The following GP5 variants were observed in gnomAD, a reference collection of about 807,000 sequenced individuals.
GP5 encodes glycoprotein V platelet.
For missense variants in GP5, 755 were observed against 737.1 expected (o/e 1.02, Z -0.28); for synonymous variants, 382 against 353.9 (o/e 1.08, Z -0.89).
chr3:194,397,451 G>C lies in GP5; in HGVS notation c.832C>G (p.Leu278Val). 3 of 1,613,732 alleles carry C rather than the reference G, an allele frequency of 1.9e-6. No individual in the cohort carries two copies. The highest frequency in any genetic ancestry group is 2.5e-6 in the Non-Finnish European group (3 of 1,180,026). Reference sequence around the variant, plus strand: ...AAGAGCACCCCCGGGAGCTCTGCCAGCGGGTTCTCGAACAGAGTCAACAGA... The same window carrying C: ...AAGAGCACCCCCGGGAGCTCTGCCACCGGGTTCTCGAACAGAGTCAACAGA... Reference protein sequence around the residue: ...LTLLTLFENPLAELPGVLFGE... With the variant: ...LTLLTLFENPVAELPGVLFGE... Residue 278 changes from leucine to valine, a missense_variant, in exon 2 of 2, where the codon CTG becomes GTG. Coordinates refer to ENST00000692618, the MANE Select transcript of GP5 (RefSeq NM_004488.2). The surrounding 1 kb of genome is among the most constrained non-coding windows in gnomAD (Gnocchi z 7.2).
rs775156169 is a variant in GP5 at position 194,397,083 on chromosome 3, C to A, written c.1200G>T (p.Glu400Asp). 1.3e-6 allele frequency: 2 copies of A among 1,595,468 alleles called. No homozygotes were observed. Among genetic ancestry groups the A allele is most frequent in the East Asian group, 4.5e-5 (2 of 44,768 alleles). ...CCCCAAACACGTCGCCAGGCAGGGT[C>A]TCCAGCTGGTTGTGGTCGAGCTGGA... ...ESVQLDHNQLETLPGDVFGAL... is the reference protein window; with the variant it reads ...ESVQLDHNQLDTLPGDVFGAL... Residue 400 changes from glutamate to aspartate, a missense_variant, in exon 2 of 2, where the codon GAG becomes GAT. Transcript: ENST00000692618. This position sits in a 1 kb window ranked among gnomAD's most constrained non-coding sequence, Gnocchi z 7.2.
At position 194,395,119 on chromosome 3, in the gene GP5, GTAC is replaced by G. The variant is rs1461183527; in HGVS notation, c.*1478_*1480del. The G allele has an allele frequency of 6.6e-6, 1 of 152,158 alleles. No homozygotes were observed. The highest frequency in any genetic ancestry group is 1.5e-5 in the Non-Finnish European group (1 of 68,038). 9.4% of individuals were successfully genotyped at this position (152,158 alleles called of 1,614,324 possible). A position where few individuals can be genotyped will look rare whatever the true frequency, so the allele number is the denominator to read the frequency against. On this transcript the variant is annotated 3_prime_UTR_variant, in exon 2 of 2. Transcript: ENST00000692618. ...TTCTCACAAAAACTCTACGAAGCAG[GTAC>G]TATGTTATCCTGTTTTAAGGTTCAG...
chr3:194,398,340 TG>T (rs1191576094), intron 1 of GP5, 56 bp from the exon 2 acceptor site: 18 of 1,478,444 alleles, frequency 1.2e-5, no homozygotes, highest in Non-Finnish European at 1.6e-5. Flanking sequence ...GCGCCTGTAC[TG>T]AACCCTGGGA....
At position 194,397,517 on chromosome 3, in the gene GP5, A is replaced by G; in HGVS notation, c.766T>C (p.Phe256Leu). Residue 256 changes from phenylalanine (F) to leucine (L), a missense_variant, in exon 2 of 2, where the codon TTT becomes CTT. Coordinates refer to ENST00000692618, the MANE Select transcript of GP5 (RefSeq NM_004488.2). This position sits in a 1 kb window ranked among gnomAD's most constrained non-coding sequence, Gnocchi z 7.2. ...SLTLSRNHLA[F>L]LPSALFLHSH... ...TGAAGAAAGAGCGCAGAGGGGAGAA[A>G]CGCAAGGTGGTTTCTCGAAAGCGTC... The G allele has an allele frequency of 6.2e-7, 1 of 1,614,044 alleles. No individual in the cohort carries two copies. The highest frequency in any genetic ancestry group is 8.5e-7 in the Non-Finnish European group (1 of 1,180,002).
Position 194,397,442 on chromosome 3 carries a change from G to A in GP5, c.841C>T (p.Leu281Phe). The A allele has an allele frequency of 3.7e-6, 6 of 1,613,536 alleles. No homozygotes were observed. The highest frequency in any genetic ancestry group is 5.1e-6 in the Non-Finnish European group (6 of 1,179,972). The change falls in exon 2 of 2, where the codon CTC becomes TTC. Residue 281 changes from leucine (L) to phenylalanine (F), a missense_variant. By Grantham distance (22) the Leu-to-Phe change is conservative. Transcript: ENST00000692618. The surrounding 1 kb of genome is among the most constrained non-coding windows in gnomAD (Gnocchi z 7.2). The stretch of plus-strand genomic sequence containing the variant: ...ATCTCCCCGAAGAGCACCCCCGGGA[G>A]CTCTGCCAGCGGGTTCTCGAACAGA... ...LTLFENPLAE[L>F]PGVLFGEMGG...
Position 194,397,577 on chromosome 3 carries a change from C to G in GP5, c.706G>C (p.Gly236Arg). ...HRNHIRSIAP[G>R]AFDRLPNLSS... is the part of the protein sequence containing the mutation. ...AGGTTTGGGAGCCGGTCGAAGGCCC[C>G]GGGTGCGATGGAACGGATGTGATTT... Residue 236 changes from glycine (G) to arginine (R), a missense_variant, in exon 2 of 2, where the codon GGG becomes CGG. Transcript: ENST00000692618. The surrounding 1 kb of genome is among the most constrained non-coding windows in gnomAD (Gnocchi z 7.2). 1.2e-6 allele frequency: 2 copies of G among 1,614,122 alleles called. No individual in the cohort carries two copies. Among genetic ancestry groups the G allele is most frequent in the South Asian group, 1.1e-5 (1 of 91,068 alleles).
At chr3:194,398,457 T>G (rs537688049) in intron 1 of GP5, 173 bp from the exon 2 acceptor site, 8 of 617,600 alleles carry the variant, frequency 1.3e-5, no homozygotes, top group African/African-American at 1.3e-4. Flanking sequence ...CATTCTACAC[T>G]GCGTGGCCTC....
In GP5 at chr3:194,396,881, C is replaced by G; in HGVS notation, c.1402G>C (p.Gly468Arg). 2 of 1,541,052 alleles carry G rather than the reference C, an allele frequency of 1.3e-6. No individual in the cohort carries two copies. Among genetic ancestry groups the G allele is most frequent in the East Asian group, 2.3e-5 (1 of 43,166 alleles). ...CGGGGGCCCGGGCACTCCGCGTCAC[C>G]CCCCGGCAGGGCCCAGAGCGGCAGG... is the stretch of plus-strand genomic sequence containing the variant. ...AGLPLWALPGGDAECPGPRGP... is the reference protein window; with the variant it reads ...AGLPLWALPGRDAECPGPRGP... Residue 468 changes from glycine (G) to arginine (R), a missense_variant, in exon 2 of 2, where the codon GGT becomes CGT. Physicochemically the swap from Gly to Arg is moderately radical, Grantham distance 125. Coordinates refer to ENST00000692618, the MANE Select transcript of GP5 (RefSeq NM_004488.2).
In GP5 at chr3:194,397,050, G is replaced by A. The variant is rs1714477805; in HGVS notation, c.1233C>T (p.Pro411=). 2 of 1,597,178 alleles carry A rather than the reference G, an allele frequency of 1.3e-6. No homozygotes were observed. Among genetic ancestry groups the A allele is most frequent in the African/African-American group, 1.3e-5 (1 of 74,996 alleles). The change falls in exon 2 of 2, where the codon CCC becomes CCT. Residue 411 remains proline (P), a synonymous_variant. Coordinates refer to ENST00000692618, the MANE Select transcript of GP5 (RefSeq NM_004488.2). This position sits in a 1 kb window ranked among gnomAD's most constrained non-coding sequence, Gnocchi z 7.2. ...GCCCCAACAGGACCTCCGTCAGCCG[G>A]GGCAGAGCCCCAAACACGTCGCCAG... The part of the protein sequence containing the change: ...TLPGDVFGAL[P]RLTEVLLGHN...
rs778980398 is a variant in GP5, at chr3:194,397,953, G to C, written c.330C>G (p.Ile110Met). Residue 110 changes from isoleucine to methionine, a missense_variant, in exon 2 of 2, where the codon ATC becomes ATG. By Grantham distance (10) the Ile-to-Met change is conservative (BLOSUM62 1). Transcript: ENST00000692618. The surrounding 1 kb of genome is among the most constrained non-coding windows in gnomAD (Gnocchi z 7.2). ...LKTLRLSRNK[I>M]THLPGALLDK... is the part of the protein sequence containing the mutation. ...CCAGCAGCGCACCTGGAAGATGCGT[G>C]ATTTTGTTGCGCGACAGCCTCAGGG... The C allele has an allele frequency of 1.9e-6, 3 of 1,614,108 alleles. No homozygotes were observed. Among genetic ancestry groups the C allele is most frequent in the African/African-American group, 2.7e-5 (2 of 74,946 alleles).
chr3:194,397,777 A>G lies in GP5; in HGVS notation c.506T>C (p.Leu169Pro). ...TAAATCCAACAACTTCAGGTTCTCC[A>G]GATTCGTGAAGAGACTGGCAGGAAG... The part of the protein sequence containing the change: ...DFLPASLFTN[L>P]ENLKLLDLSG... The change falls in exon 2 of 2, where the codon CTG becomes CCG. Residue 169 changes from leucine to proline, a missense_variant. Coordinates refer to ENST00000692618, the MANE Select transcript of GP5 (RefSeq NM_004488.2). This position sits in a 1 kb window ranked among gnomAD's most constrained non-coding sequence, Gnocchi z 7.2. 1.2e-6 allele frequency: 2 copies of G among 1,614,036 alleles called. No individual in the cohort carries two copies. Among genetic ancestry groups the G allele is most frequent in the Non-Finnish European group, 1.7e-6 (2 of 1,179,960 alleles).
Position 194,397,046 on chromosome 3 carries a change from G to C in GP5, c.1237C>G (p.Leu413Val). Residue 413 changes from leucine to valine, a missense_variant, in exon 2 of 2, where the codon CTG becomes GTG. By Grantham distance (32) the Leu-to-Val change is conservative. Coordinates refer to ENST00000692618, the MANE Select transcript of GP5 (RefSeq NM_004488.2). The surrounding 1 kb of genome is among the most constrained non-coding windows in gnomAD (Gnocchi z 7.2). ...TTGTGCCCCAACAGGACCTCCGTCA[G>C]CCGGGGCAGAGCCCCAAACACGTCG... is the stretch of plus-strand genomic sequence containing the variant. ...PGDVFGALPR[L>V]TEVLLGHNSW... The C allele has an allele frequency of 6.3e-7, 1 of 1,597,206 alleles. No individual in the cohort carries two copies. Among genetic ancestry groups the C allele is most frequent in the East Asian group, 2.2e-5 (1 of 44,772 alleles).
chr3:194,395,638 T>C lies in GP5; in HGVS notation c.*962A>G, dbSNP rs1173638583. The C allele has an allele frequency of 6.6e-6, 1 of 152,234 alleles. No homozygotes were observed. The highest frequency in any genetic ancestry group is 1.5e-5 in the Non-Finnish European group (1 of 68,052). 9.4% of individuals were successfully genotyped at this position (152,234 alleles called of 1,614,324 possible). On this transcript the variant is annotated 3_prime_UTR_variant, in exon 2 of 2. Coordinates refer to ENST00000692618, the MANE Select transcript of GP5 (RefSeq NM_004488.2). ...ATGCTCATGCATGAATGGAGTCCAG[T>C]GCTCTCCCAAGTAGCCCATAGGTCA...
rs950049764 is a variant in GP5, at chr3:194,395,050, T to C, written c.*1550A>G. On this transcript the variant is annotated 3_prime_UTR_variant, in exon 2 of 2. Transcript: ENST00000692618. ...CTAACATTCATTAACATGTATTGCC[T>C]GCAGGCCGCTGGGCTAAGTCATTAT... 1.3e-5 allele frequency: 2 copies of C among 152,282 alleles called. No homozygotes were observed. The highest frequency in any genetic ancestry group is 2.9e-5 in the Non-Finnish European group (2 of 68,058). 9.4% of individuals were successfully genotyped at this position (152,282 alleles called of 1,614,324 possible).
Position 194,397,416 on chromosome 3 carries a change from C to T in GP5, c.867G>A (p.Met289Ile), listed in dbSNP as rs142440028. Residue 289 changes from methionine (M) to isoleucine (I), a missense_variant, in exon 2 of 2, where the codon ATG (methionine) becomes ATA (isoleucine). Physicochemically the swap from Met to Ile is conservative, Grantham distance 10. Coordinates refer to ENST00000692618, the MANE Select transcript of GP5 (RefSeq NM_004488.2). This position sits in a 1 kb window ranked among gnomAD's most constrained non-coding sequence, Gnocchi z 7.2. ...TCAGCCACAGCTCCTGCAGGCCCCC[C>T]ATCTCCCCGAAGAGCACCCCCGGGA... ...AELPGVLFGEMGGLQELWLNR... is the reference protein window; with the variant it reads ...AELPGVLFGEIGGLQELWLNR... 1 of 1,613,184 alleles carries T rather than the reference C, an allele frequency of 6.2e-7. No homozygotes were observed.
chr3:194,396,345 C>T lies in GP5; in HGVS notation c.*255G>A. The stretch of plus-strand genomic sequence containing the variant: ...GGGAGCTGGGGAAGGCAGGCAACCA[C>T]AGTTTACAAACGTCAAGCTCAGTTT... On this transcript the variant is annotated 3_prime_UTR_variant, in exon 2 of 2. Coordinates refer to ENST00000692618, the MANE Select transcript of GP5 (RefSeq NM_004488.2). The T allele has an allele frequency of 2.4e-6, 1 of 413,866 alleles. No homozygotes were observed. Among genetic ancestry groups the T allele is most frequent in the South Asian group, 4.9e-5 (1 of 20,550 alleles). The allele number at this position is 413,866 out of a possible 1,614,324, so 25.6% of individuals were successfully genotyped here.
rs764705809 is a variant in GP5 at position 194,397,866 on chromosome 3, T to C, written c.417A>G (p.Gln139=). The change falls in exon 2 of 2, where the codon CAA becomes CAG. Residue 139 remains glutamine, a synonymous_variant. Transcript: ENST00000692618. The surrounding 1 kb of genome is among the most constrained non-coding windows in gnomAD (Gnocchi z 7.2). ...LDHNALRGID[Q]NMFQKLVNLQ... ...GGTTAACCAGTTTCTGAAACATGTT[T>C]TGGTCAATGCCCCTTAGCGCATTGT... 1 of 1,614,032 alleles carries C rather than the reference T, an allele frequency of 6.2e-7. No homozygotes were observed. Among genetic ancestry groups the C allele is most frequent in the Non-Finnish European group, 8.5e-7 (1 of 1,179,920 alleles).
Position 194,398,174 on chromosome 3 carries a change from C to A in GP5, c.109G>T (p.Gly37Trp). ...GCGGAGATGCGCGCCACGTCGCCCC[C>A]CGAGCACTGCGCGGCGTCCCGGAAG... Reference protein sequence around the residue: ...CVFRDAAQCSGGDVARISALG... With the variant: ...CVFRDAAQCSWGDVARISALG... Residue 37 changes from glycine (G) to tryptophan (W), a missense_variant, in exon 2 of 2, where the codon GGG (glycine) becomes TGG (tryptophan). Coordinates refer to ENST00000692618, the MANE Select transcript of GP5 (RefSeq NM_004488.2). 6.2e-7 allele frequency: 1 copy of A among 1,612,838 alleles called. No homozygotes were observed. Among genetic ancestry groups the A allele is most frequent in the East Asian group, 2.2e-5 (1 of 44,866 alleles).
In GP5 at chr3:194,398,298, C is replaced by G. The variant is rs1278589889; in HGVS notation, c.-2-14G>C. ...CCCTCAGCATGTCTGAAAAAGCAAC[C>G]GTGGGAGTGTGGTCAACACACAGGA... On this transcript the variant is annotated splice_polypyrimidine_tract_variant and intron_variant, in intron 1 of 1. Coordinates refer to ENST00000692618, the MANE Select transcript of GP5 (RefSeq NM_004488.2). 1 of 1,571,904 alleles carries G rather than the reference C, an allele frequency of 6.4e-7. No homozygotes were observed. The highest frequency in any genetic ancestry group is 1.4e-5 in the African/African-American group (1 of 73,596).
Sources: allele counts gnomAD v4.1 joint callset, GRCh38; gene constraint gnomAD v4.1.1; non-coding constraint Gnocchi (gnomAD v3.1); transcripts MANE v1.5; gene names NCBI Gene and HGNC (gene_info 2026-07-23, HGNC 2026-07-21).